Variants in MPHOSPH8 observed in about 807,000 individuals in gnomAD.
The protein encoded by MPHOSPH8 is M-phase phosphoprotein 8, also known as M-phase phosphoprotein, mpp.
A neutral mutation model predicts 87.3 loss-of-function variants in MPHOSPH8; 45 were observed. The observed-to-expected ratio is 0.52, with a 90% confidence interval of 0.41 to 0.66. The LOEUF is 0.66. Ranked by LOEUF, MPHOSPH8 falls within the 30% of genes least tolerant of loss-of-function variation. The pLI, the probability that MPHOSPH8 is intolerant of heterozygous loss-of-function variation, is 0.00. For missense variants in MPHOSPH8, 883 were observed against 1,020.2 expected, an observed-to-expected ratio of 0.87 and a Z score of 1.83; for synonymous variants, 366 against 376.9, an observed-to-expected ratio of 0.97 and a Z score of 0.33.
At chr13:19,641,316 A>C (rs1593468120) in intron 1 of MPHOSPH8, among the ~76,000 whole-genome samples, 1 of 101,582 alleles carries the variant, frequency 9.8e-6, no homozygotes. Context: ...CACTGTGCCC[A>C]GCTAATTTTT....
chr13:19,634,703 G>A (rs1873900067), intron 1 of MPHOSPH8, among the ~76,000 whole-genome samples: 1 of 151,994 alleles, frequency 6.6e-6, no homozygotes. Context: ...TTTTTGTATT[G>A]ACCTCTATGA....
intron 7 of MPHOSPH8, among the ~76,000 whole-genome samples, chr13:19,660,406 T>G (rs890395374): frequency 6.6e-6 from 1 of 152,180 alleles, no homozygotes; most frequent in African/African-American, 2.4e-5. Flanking sequence ...GGCTTTTGGG[T>G]ATCTTGTCTT....
intron 7 of MPHOSPH8, 33 bp from the exon 8 acceptor site, chr13:19,661,665 T>G: frequency 1.9e-6 from 3 of 1,560,234 alleles, no homozygotes; most frequent in Non-Finnish European, 1.7e-6. Context: ...TGACTAAAGA[T>G]TAACACGTTT....
At chr13:19,640,792 A>C in intron 1 of MPHOSPH8, among the ~76,000 whole-genome samples, 1 of 152,202 alleles carries the variant, frequency 6.6e-6, no homozygotes, top group Non-Finnish European at 1.5e-5. Context: ...AAGTACAAAA[A>C]AAATGGAAAA....
At chr13:19,661,926 C>T (rs1875553320) in intron 8 of MPHOSPH8, 88 bp downstream of exon 8, 1 of 1,416,968 alleles carries the variant, frequency 7.1e-7, no homozygotes, top group African/African-American at 1.5e-5. Flanking sequence ...TGAAATATAG[C>T]AGTCACATGG....
chr13:19,640,515 G>A (rs569190712), intron 1 of MPHOSPH8, among the ~76,000 whole-genome samples: 14 of 152,100 alleles, frequency 9.2e-5, no homozygotes, highest in African/African-American at 3.1e-4. Flanking sequence ...GCATTTGGCA[G>A]TGTGTTTTAA....
chr13:19,652,103 A>G (rs1219059274), intron 5 of MPHOSPH8, among the ~76,000 whole-genome samples: 1 of 152,194 alleles, frequency 6.6e-6, no homozygotes, highest in East Asian at 1.9e-4. Flanking sequence ...CTCCATCTCA[A>G]AATAAAAAAA....
At chr13:19,646,144 A>G (rs556619400) in intron 2 of MPHOSPH8, among the ~76,000 whole-genome samples, 1 of 152,130 alleles carries the variant, frequency 6.6e-6, no homozygotes, top group Non-Finnish European at 1.5e-5. Flanking sequence ...TTGAAATTCA[A>G]ATCATTTATA....
chr13:19,666,648 A>AACAG, intron 10 of MPHOSPH8, 69 bp downstream of exon 10: 1 of 1,411,982 alleles, frequency 7.1e-7, no homozygotes, highest in Non-Finnish European at 9.6e-7. Context: ...ACATATTATA[A>AACAG]TTGGAGTGGC....
At chr13:19,654,257 T>A (rs1875029169) in intron 5 of MPHOSPH8, among the ~76,000 whole-genome samples, 1 of 152,088 alleles carries the variant, frequency 6.6e-6, no homozygotes, top group Non-Finnish European at 1.5e-5. Context: ...ATGTTCTCAC[T>A]CATAAGTGGT....
intron 3 of MPHOSPH8, 106 bp from the exon 4 acceptor site, chr13:19,648,316 C>A: frequency 3.1e-6 from 2 of 646,450 alleles, no homozygotes; most frequent in Non-Finnish European, 5.3e-6. Context: ...CCACAGTATA[C>A]AAGGGTGATT....
Position 19,633,711 on chromosome 13 carries a change from G to C in MPHOSPH8, c.-38G>C. 1 of 1,555,980 alleles carries C rather than the reference G, an allele frequency of 6.4e-7. No homozygotes were observed. The highest frequency in any genetic ancestry group is 1.2e-5 in the South Asian group (1 of 84,592). ...GCGAGGGGCTGCTGGGGTGTTTGTCGCAGCGGGTTTTCCTCGGCGGTTTGC... is the reference window on the plus strand; with the variant it reads ...GCGAGGGGCTGCTGGGGTGTTTGTCCCAGCGGGTTTTCCTCGGCGGTTTGC... On this transcript the variant is annotated 5_prime_UTR_variant, in exon 1 of 14. Transcript: ENST00000361479.
chr13:19,650,331 T>C, intron 5 of MPHOSPH8, 71 bp downstream of exon 5: 1 of 1,485,622 alleles, frequency 6.7e-7, no homozygotes, highest in Non-Finnish European at 9.1e-7. Context: ...CTCTTCTCTG[T>C]ATTTCTGATC....
intron 1 of MPHOSPH8, among the ~76,000 whole-genome samples, chr13:19,635,889 T>C (rs1158756136): frequency 6.6e-6 from 1 of 152,106 alleles, no homozygotes. Context: ...TGGGAGTGGT[T>C]TCGCCCATGC....
intron 7 of MPHOSPH8, among the ~76,000 whole-genome samples, chr13:19,660,283 T>TA (rs1875455873): frequency 6.6e-6 from 1 of 152,140 alleles, no homozygotes. Flanking sequence ...TGGATTTTTT[T>TA]AATGGAAGCA....
At chr13:19,657,473 C>T (rs143107773) in intron 5 of MPHOSPH8, among the ~76,000 whole-genome samples, 96 of 151,020 alleles carry the variant, frequency 6.4e-4, no homozygotes, top group Middle Eastern at 3.5e-3. Context: ...GAGGCCAAGG[C>T]ACAGAAATCA....
intron 1 of MPHOSPH8, among the ~76,000 whole-genome samples, chr13:19,638,444 C>G (rs1874115073): frequency 1.3e-5 from 2 of 151,748 alleles, no homozygotes; most frequent in South Asian, 4.2e-4. Flanking sequence ...GAAACCCCGT[C>G]TCTACTAAAA....
Position 19,654,468 on chromosome 13 carries a change from T to C in MPHOSPH8, c.1576+4208T>C, listed in dbSNP as rs188323750. Reference sequence around the variant, plus strand: ...CTCTGCACATGTACCCCAGAACTTATAGTAATAAAAAAAAGAACGTGGAAT... The same window carrying C: ...CTCTGCACATGTACCCCAGAACTTACAGTAATAAAAAAAAGAACGTGGAAT... On this transcript the variant is annotated intron_variant, in intron 5 of 13. Coordinates refer to ENST00000361479, the MANE Select transcript of MPHOSPH8 (RefSeq NM_017520.4). 4.6e-4 allele frequency among the ~76,000 whole-genome samples: 69 copies of C among 149,614 alleles called. 1 individual carries two copies. Among genetic ancestry groups the C allele is most frequent in the African/African-American group, 1.4e-3 (53 of 39,114 alleles).
At position 19,647,276 on chromosome 13, in the gene MPHOSPH8, G is replaced by A. The variant is rs377362135; in HGVS notation, c.1203G>A (p.Thr401=). 1.9e-6 allele frequency: 3 copies of A among 1,600,620 alleles called. No homozygotes were observed. Among genetic ancestry groups the A allele is most frequent in the Middle Eastern group, 1.7e-4 (1 of 5,972 alleles). The change falls in exon 3 of 14, where the codon ACG becomes ACA. Residue 401 remains threonine, a synonymous_variant. Coordinates refer to ENST00000361479, the MANE Select transcript of MPHOSPH8 (RefSeq NM_017520.4). ...LSGEERGLWS[T]DSAEEDKETK... ...GGGAAGAGAGAGGCCTCTGGTCCAC[G>A]GACTCAGCCGAGGAGGTAAGGGCCA... is the stretch of plus-strand genomic sequence containing the variant.
Sources: allele counts gnomAD v4.1 joint callset (sites outside exome capture counted in the v4.1 genomes callset), GRCh38; gene constraint gnomAD v4.1.1; transcripts MANE v1.5; gene names NCBI Gene and HGNC (gene_info 2026-07-23, HGNC 2026-07-21).